Variants in NBAS observed in about 807,000 individuals in gnomAD.
NBAS encodes NBAS subunit of NRZ tethering complex.
In NBAS, 219 loss-of-function variants were observed where a neutral mutation model predicts 302.5. The observed-to-expected ratio is 0.72, with a 90% CI of 0.65 to 0.81. NBAS has a LOEUF of 0.81. Among genes scored for constraint, NBAS ranks in the 30% least tolerant of loss-of-function variants. NBAS has a pLI of 0.00. For missense variants in NBAS, 2,932 were observed against 2,841.6 expected (o/e 1.03, Z -0.72); for synonymous variants, 1,118 against 1,021.6 (o/e 1.09, Z -1.80).
rs1455834251 is a variant in NBAS, at chr2:15,519,722, G to A, written c.747-8372C>T. ...GGCCTCCCAAAGTGCTGGGATTACAGGCATGAGCCACTGTATGCAGCCAAG... is the reference window on the plus strand; with the variant it reads ...GGCCTCCCAAAGTGCTGGGATTACAAGCATGAGCCACTGTATGCAGCCAAG... On this transcript the variant is annotated intron_variant, in intron 9 of 51. Coordinates refer to ENST00000281513, the MANE Select transcript of NBAS (RefSeq NM_015909.4). 5.9e-5 allele frequency among the ~76,000 whole-genome samples: 9 copies of A among 152,220 alleles called. No individual in the cohort carries two copies. The East Asian group carries it at 1.7e-3, about 29-fold the overall frequency.
At chr2:14,911,085 C>G in the NBAS span, among the ~76,000 whole-genome samples, 2 of 152,172 alleles carry the variant, frequency 1.3e-5, 1 homozygote, top group Admixed American at 1.3e-4. Context: ...CTGTTCCTTC[C>G]TTTGAACAAA....
At chr2:15,066,021 C>T in the NBAS span, among the ~76,000 whole-genome samples, 3 of 150,644 alleles carry the variant, frequency 2.0e-5, no homozygotes, top group Non-Finnish European at 4.4e-5. Flanking sequence ...ATGCTACTGA[C>T]ATGCAGACAG....
At chr2:15,229,954 C>A (rs1259779047) in intron 47 of NBAS, among the ~76,000 whole-genome samples, 1 of 151,972 alleles carries the variant, frequency 6.6e-6, no homozygotes, top group Admixed American at 6.6e-5. Context: ...ATACATAACC[C>A]AAAAGCATGT....
chr2:15,119,095 A>T, the NBAS span, among the ~76,000 whole-genome samples: 1 of 151,866 alleles, frequency 6.6e-6, no homozygotes, highest in Admixed American at 6.6e-5. Context: ...CAGAAAGTAG[A>T]TCTCCTCATG....
intron 35 of NBAS, among the ~76,000 whole-genome samples, chr2:15,332,568 G>T (rs1672401934): frequency 6.6e-6 from 1 of 151,474 alleles, no homozygotes; most frequent in Non-Finnish European, 1.5e-5. Context: ...TTTCTTGTTG[G>T]TTTCTCGGGC....
At chr2:15,525,743 C>T (rs561077144) in intron 9 of NBAS, among the ~76,000 whole-genome samples, 107 of 152,062 alleles carry the variant, frequency 7.0e-4, no homozygotes, top group African/African-American at 2.4e-3. Context: ...CTTTTTGTAG[C>T]TATCAAGGAA....
At chr2:15,224,315 AAG>A (rs1667071275) in intron 47 of NBAS, among the ~76,000 whole-genome samples, 1 of 152,264 alleles carries the variant, frequency 6.6e-6, no homozygotes, top group Admixed American at 6.5e-5. Flanking sequence ...AATCTTCAGT[AAG>A]AGAGTTTTCA....
the NBAS span, among the ~76,000 whole-genome samples, chr2:14,932,099 T>C: frequency 1.3e-5 from 2 of 152,060 alleles, no homozygotes; most frequent in African/African-American, 4.8e-5. Flanking sequence ...GTCTGAAGAG[T>C]TGTGGTCCCT....
chr2:15,543,174 C>G (rs1418946933), intron 6 of NBAS, among the ~76,000 whole-genome samples: 1 of 152,040 alleles, frequency 6.6e-6, no homozygotes, highest in Non-Finnish European at 1.5e-5. Context: ...CAAGTCTATA[C>G]CCCCCGACTC....
chr2:14,935,864 C>A, the NBAS span, among the ~76,000 whole-genome samples: 1 of 152,152 alleles, frequency 6.6e-6, no homozygotes, highest in Non-Finnish European at 1.5e-5. Flanking sequence ...AAACTAAAGG[C>A]TTCCCCAAAA....
At chr2:15,292,466 A>G in intron 41 of NBAS, 71 bp downstream of exon 41, 2 of 1,478,740 alleles carry the variant, frequency 1.4e-6, no homozygotes, top group South Asian at 1.2e-5. Flanking sequence ...TGAAATTAAT[A>G]GTCCTGGTAA....
chr2:15,372,674 T>C (rs917754750), intron 31 of NBAS, among the ~76,000 whole-genome samples: 1 of 152,186 alleles, frequency 6.6e-6, no homozygotes, highest in African/African-American at 2.4e-5. Context: ...CAAATCAATA[T>C]ATCAAGCTGG....
chr2:15,415,067 T>C (rs993011244), intron 25 of NBAS, among the ~76,000 whole-genome samples: 2 of 152,232 alleles, frequency 1.3e-5, no homozygotes, highest in African/African-American at 2.4e-5. Context: ...GAAAGTGTAC[T>C]GGTTAAGGAC....
intron 35 of NBAS, among the ~76,000 whole-genome samples, chr2:15,346,993 G>T (rs1432307760): frequency 2.6e-5 from 4 of 152,130 alleles, no homozygotes; most frequent in African/African-American, 9.7e-5. Context: ...ACATACCAGG[G>T]CCTGTTGAGG....
At chr2:15,175,660 A>C (rs866928573) in intron 51 of NBAS, among the ~76,000 whole-genome samples, 5 of 152,148 alleles carry the variant, frequency 3.3e-5, no homozygotes, top group Admixed American at 6.5e-5. Flanking sequence ...TCATCAATAC[A>C]ATCTCAAGGA....
At chr2:14,986,519 T>G in the NBAS span, among the ~76,000 whole-genome samples, 10 of 152,276 alleles carry the variant, frequency 6.6e-5, no homozygotes, top group Admixed American at 5.2e-4. Flanking sequence ...TCTTCAATTC[T>G]CCATCATTTC....
intron 44 of NBAS, among the ~76,000 whole-genome samples, chr2:15,253,266 G>A (rs1221269009): frequency 6.6e-6 from 1 of 152,072 alleles, no homozygotes; most frequent in Non-Finnish European, 1.5e-5. Context: ...AAAGGAGGGG[G>A]AATCAATTCT....
chr2:15,351,186 A>G (rs1338851608), intron 35 of NBAS, among the ~76,000 whole-genome samples: 1 of 152,246 alleles, frequency 6.6e-6, no homozygotes, highest in Admixed American at 6.5e-5. Flanking sequence ...TAACAGCATG[A>G]ATGGATCTCA....
chr2:15,144,046 A>ATATATATATATATATATATTATCATAT, the NBAS span, among the ~76,000 whole-genome samples: 1 of 104,576 alleles, frequency 9.6e-6, no homozygotes, highest in Non-Finnish European at 1.7e-5. Flanking sequence ...CCTATATATA[A>ATATATATATATATATATATTATCATAT]AAATATATAT....
Sources: gnomAD v4.1 joint callset for allele counts (sites outside exome capture counted in the v4.1 genomes callset) on GRCh38, gnomAD v4.1.1 for gene constraint, MANE v1.5 for transcripts, NCBI Gene and HGNC (gene_info 2026-07-23, HGNC 2026-07-21) for gene names.